Variants in CDKAL1 observed in about 807,000 individuals in gnomAD.
CDKAL1 encodes the protein threonylcarbamoyladenosine tRNA methylthiotransferase.
Under a neutral mutation model 68.2 loss-of-function variants are expected in CDKAL1, and 32 were observed. That is an observed-to-expected ratio of 0.47 (90% confidence interval 0.35 to 0.63). The LOEUF is 0.63. CDKAL1 is among the 30% of genes least tolerant of loss of function. CDKAL1 has a pLI of 0.00. For missense variants in CDKAL1, 606 were observed against 696.7 expected (o/e 0.87, Z 1.47); for synonymous variants, 234 against 244.3 (o/e 0.96, Z 0.39).
rs1225292964 is a variant in CDKAL1 at position 20,785,312 on chromosome 6, TTC to T, written c.638+4049_638+4050del. ...ATAACATATTAGCTTGGATTTCTTT[TTC>T]TTTTTTTTTTTTTTTTTTTGAGATG... On this transcript the variant is annotated intron_variant, in intron 8 of 15. Coordinates refer to ENST00000274695, the MANE Select transcript of CDKAL1 (RefSeq NM_017774.3). Among the ~76,000 whole-genome samples, 87 of 125,840 alleles carry T rather than the reference TTC, an allele frequency of 6.9e-4. 1 individual carries two copies. Among genetic ancestry groups the T allele is most frequent in the Non-Finnish European group, 1.1e-3 (72 of 63,004 alleles). The allele number at this position is 125,840 out of a possible 152,430, so 82.6% of individuals were successfully genotyped here.
chr6:20,870,268 A>G (rs958208949), intron 9 of CDKAL1, among the ~76,000 whole-genome samples: 1 of 152,138 alleles, frequency 6.6e-6, no homozygotes, highest in Non-Finnish European at 1.5e-5. Flanking sequence ...TTTCCAACCT[A>G]TTGTCCAGAT....
chr6:20,936,927 A>C (rs1347315780), intron 9 of CDKAL1, among the ~76,000 whole-genome samples: 1 of 152,186 alleles, frequency 6.6e-6, no homozygotes, highest in African/African-American at 2.4e-5. Context: ...GTTGGTTACC[A>C]GAGGTTTCAC....
chr6:20,783,533 T>C (rs187346620), intron 8 of CDKAL1, among the ~76,000 whole-genome samples: 1 of 152,300 alleles, frequency 6.6e-6, no homozygotes, highest in East Asian at 1.9e-4. Flanking sequence ...CAGGCCTCCC[T>C]GTAGGTTGAA....
chr6:21,076,484 T>C (rs1437599000), intron 12 of CDKAL1, among the ~76,000 whole-genome samples: 1 of 152,220 alleles, frequency 6.6e-6, no homozygotes, highest in Admixed American at 6.5e-5. Flanking sequence ...GTGTAATCCT[T>C]ACGTTTAACA....
chr6:20,641,034 T>C (rs377666021), intron 4 of CDKAL1, among the ~76,000 whole-genome samples: 1 of 152,214 alleles, frequency 6.6e-6, no homozygotes, highest in Admixed American at 6.5e-5. Flanking sequence ...AAAGAAATAG[T>C]TTGGAAAGTA....
chr6:21,224,871 A>G (rs1047686876), intron 15 of CDKAL1, among the ~76,000 whole-genome samples: 2 of 152,206 alleles, frequency 1.3e-5, no homozygotes, highest in East Asian at 1.9e-4. Context: ...TTGGTGATGT[A>G]TGACTCCTTG....
At chr6:21,228,003 T>G (rs1779816596) in intron 15 of CDKAL1, among the ~76,000 whole-genome samples, 1 of 152,276 alleles carries the variant, frequency 6.6e-6, no homozygotes, top group African/African-American at 2.4e-5. Flanking sequence ...GCTTAAGATT[T>G]TAAGACTCAC....
At chr6:20,677,134 G>A (rs1015663092) in intron 5 of CDKAL1, among the ~76,000 whole-genome samples, 1 of 151,956 alleles carries the variant, frequency 6.6e-6, no homozygotes, top group African/African-American at 2.4e-5. Flanking sequence ...GCAGTGGCGC[G>A]ATTTTGGCTC....
chr6:20,546,738 G>C (rs1763622002), intron 3 of CDKAL1, among the ~76,000 whole-genome samples: 1 of 152,018 alleles, frequency 6.6e-6, no homozygotes, highest in African/African-American at 2.4e-5. Flanking sequence ...ATTTTTAGTA[G>C]AGATGGGGTT....
chr6:21,172,477 AG>A (rs1777428227), intron 13 of CDKAL1, among the ~76,000 whole-genome samples: 1 of 152,020 alleles, frequency 6.6e-6, no homozygotes, highest in East Asian at 1.9e-4. Context: ...TGGCTGGGCG[AG>A]GTGGTTCACG....
At chr6:20,691,007 A>G (rs1347044173) in intron 5 of CDKAL1, among the ~76,000 whole-genome samples, 1 of 152,212 alleles carries the variant, frequency 6.6e-6, no homozygotes, top group Non-Finnish European at 1.5e-5. Flanking sequence ...GCATGCAACA[A>G]TACTATTTTG....
chr6:20,658,004 TG>T (rs35136485), intron 5 of CDKAL1, among the ~76,000 whole-genome samples: 39,204 of 151,938 alleles, frequency 0.26, 6,615 homozygotes, highest in African/African-American at 0.48. Flanking sequence ...GCCTTTAACT[TG>T]GGGGGGTTCT....
intron 9 of CDKAL1, among the ~76,000 whole-genome samples, chr6:20,942,290 G>A (rs1252952093): frequency 1.3e-5 from 2 of 149,740 alleles, no homozygotes; most frequent in Non-Finnish European, 3.0e-5. Flanking sequence ...CTTGTCCTTT[G>A]TGCTATTGTC....
chr6:20,853,386 C>CAAAAAAAAAAAAAA (rs751328082), intron 9 of CDKAL1, among the ~76,000 whole-genome samples: 5 of 32,448 alleles, frequency 1.5e-4, no homozygotes, highest in East Asian at 8.7e-4. Context: ...TCTCAAAAAA[C>CAAAAAAAAAAAAAA]AAAACAAAAA....
chr6:20,542,784 T>G (rs533306888), intron 2 of CDKAL1, among the ~76,000 whole-genome samples: 2 of 152,206 alleles, frequency 1.3e-5, no homozygotes, highest in Non-Finnish European at 2.9e-5. Context: ...CAAGGATTCC[T>G]CATGTTGCTC....
At chr6:20,568,438 A>G (rs1476906648) in intron 4 of CDKAL1, among the ~76,000 whole-genome samples, 4 of 151,950 alleles carry the variant, frequency 2.6e-5, no homozygotes, top group African/African-American at 9.7e-5. Context: ...ATAAAGTACT[A>G]TATTAAGAAA....
chr6:20,747,666 T>A (rs1256837554), intron 6 of CDKAL1, among the ~76,000 whole-genome samples: 7 of 152,268 alleles, frequency 4.6e-5, no homozygotes, highest in Admixed American at 3.9e-4. Context: ...TGCCCATTTT[T>A]AAATAAGGTT....
intron 5 of CDKAL1, among the ~76,000 whole-genome samples, chr6:20,710,909 A>T (rs1379435724): frequency 6.6e-6 from 1 of 152,164 alleles, no homozygotes; most frequent in Non-Finnish European, 1.5e-5. Context: ...TTCTGGTCCT[A>T]CCTATTGACA....
At chr6:20,883,695 A>C (rs541829295) in intron 9 of CDKAL1, among the ~76,000 whole-genome samples, 1 of 152,354 alleles carries the variant, frequency 6.6e-6, no homozygotes, top group Non-Finnish European at 1.5e-5. Context: ...GTTGTATGGT[A>C]AAGCAAATAA....
Sources: allele counts gnomAD v4.1 joint callset (sites outside exome capture counted in the v4.1 genomes callset), GRCh38; gene constraint gnomAD v4.1.1; transcripts MANE v1.5; gene names NCBI Gene and HGNC (gene_info 2026-07-23, HGNC 2026-07-21).